Variants in EVI5 observed in about 807,000 individuals in gnomAD.
The protein encoded by EVI5 is ecotropic viral integration site 5.
In EVI5, 73 loss-of-function variants were observed where a neutral mutation model predicts 112.0. That is an observed-to-expected ratio of 0.65 (90% CI 0.54 to 0.79). The LOEUF is 0.79. Ranked by LOEUF, EVI5 falls within the 30% of genes least tolerant of loss-of-function variation. The probability of loss-of-function intolerance (pLI) is 0.00; values close to 1 mark genes in which losing one functional copy is unlikely to be tolerated. For synonymous variants in EVI5, 305 were observed against 319.9 expected (o/e 0.95, Z 0.50); for missense variants, 900 against 968.8 (o/e 0.93, Z 0.94).
chr1:92,536,313 T>C (rs1663885784), intron 19 of EVI5, among the ~76,000 whole-genome samples: 1 of 152,220 alleles, frequency 6.6e-6, no homozygotes, highest in African/African-American at 2.4e-5. Flanking sequence ...AGCGATAAGT[T>C]ATTATACAAT....
intron 13 of EVI5, among the ~76,000 whole-genome samples, chr1:92,638,384 T>C (rs1659302505): frequency 6.8e-6 from 1 of 148,010 alleles, no homozygotes; most frequent in African/African-American, 2.4e-5. Context: ...AAAATAACTC[T>C]AAACGTATTA....
At chr1:92,516,859 A>C (rs1459435917) in intron 19 of EVI5, among the ~76,000 whole-genome samples, 1 of 145,442 alleles carries the variant, frequency 6.9e-6, no homozygotes. Context: ...GCAGACAATC[A>C]ACCTTTCCAA....
At chr1:92,647,365 CTT>C (rs1302752230) in intron 13 of EVI5, 1 of 259,392 alleles carries the variant, frequency 3.9e-6, no homozygotes, top group East Asian at 8.2e-5. Flanking sequence ...AGACATGTCT[CTT>C]TTGGAGACAT....
chr1:92,519,201 T>C (rs956317509), intron 19 of EVI5, among the ~76,000 whole-genome samples: 2 of 152,150 alleles, frequency 1.3e-5, no homozygotes, highest in African/African-American at 4.8e-5. Flanking sequence ...CTTTTGTCTT[T>C]GATGGAAGAA....
intron 18 of EVI5, among the ~76,000 whole-genome samples, chr1:92,593,250 G>C (rs1674304371): frequency 6.6e-6 from 1 of 152,304 alleles, no homozygotes; most frequent in Middle Eastern, 3.4e-3. Flanking sequence ...TCCCTGGGAT[G>C]CAAGGCTGGT....
intron 10 of EVI5, among the ~76,000 whole-genome samples, chr1:92,674,171 G>C (rs1401020671): frequency 6.6e-6 from 1 of 152,080 alleles, no homozygotes; most frequent in Non-Finnish European, 1.5e-5. Context: ...TTTACAGCAA[G>C]GCTCAATTAA....
chr1:92,584,432 TAGA>T (rs912619906), intron 18 of EVI5, among the ~76,000 whole-genome samples: 1 of 152,170 alleles, frequency 6.6e-6, no homozygotes, highest in African/African-American at 2.4e-5. Flanking sequence ...ATTACTATAG[TAGA>T]AGAAAACCCA....
chr1:92,718,591 G>T (rs949457624), intron 2 of EVI5, among the ~76,000 whole-genome samples: 1 of 152,120 alleles, frequency 6.6e-6, no homozygotes, highest in African/African-American at 2.4e-5. Flanking sequence ...GACAAAGCAG[G>T]AAAGATCTAA....
upstream of EVI5, chr1:92,785,169 G>C (rs1685478559): frequency 1.1e-6 from 1 of 944,054 alleles, no homozygotes; most frequent in Non-Finnish European, 1.3e-6. Flanking sequence ...GAATGGGTTG[G>C]AGCAGGTTAG....
At chr1:92,533,265 T>C (rs1437321359) in intron 19 of EVI5, among the ~76,000 whole-genome samples, 1 of 152,090 alleles carries the variant, frequency 6.6e-6, no homozygotes, top group Non-Finnish European at 1.5e-5. Flanking sequence ...AATAGACCAG[T>C]AACAAGTTCT....
At chr1:92,767,662 A>G (rs139536462) in intron 1 of EVI5, among the ~76,000 whole-genome samples, 193 of 152,376 alleles carry the variant, frequency 1.3e-3, no homozygotes, top group African/African-American at 4.3e-3. Flanking sequence ...ACCATGTTCT[A>G]TTAACAAGAT....
intron 1 of EVI5, among the ~76,000 whole-genome samples, chr1:92,739,085 C>A (rs1677921679): frequency 6.6e-6 from 1 of 151,792 alleles, no homozygotes; most frequent in African/African-American, 2.4e-5. Context: ...CCAGCTTGGC[C>A]AACATGACAA....
At chr1:92,532,210 G>C (rs974511563) in intron 19 of EVI5, among the ~76,000 whole-genome samples, 4 of 152,150 alleles carry the variant, frequency 2.6e-5, no homozygotes, top group Admixed American at 6.6e-5. Context: ...AATGGTAAAG[G>C]GATCAATTCA....
intron 13 of EVI5, among the ~76,000 whole-genome samples, chr1:92,651,760 A>G (rs2102055370): frequency 7.2e-6 from 1 of 139,694 alleles, no homozygotes; most frequent in African/African-American, 2.7e-5. Flanking sequence ...CTGAGGCAGG[A>G]GAATGGCGTG....
intron 18 of EVI5, among the ~76,000 whole-genome samples, chr1:92,590,741 C>G (rs1673692673): frequency 6.6e-6 from 1 of 152,124 alleles, no homozygotes; most frequent in South Asian, 2.1e-4. Context: ...GGCCAACATT[C>G]AAATTCAGGA....
intron 1 of EVI5, among the ~76,000 whole-genome samples, chr1:92,791,807 A>C (rs552079200): frequency 6.6e-5 from 10 of 152,188 alleles, no homozygotes; most frequent in Non-Finnish European, 1.5e-4. Flanking sequence ...CTTTACAGAA[A>C]AATTTATGTA....
intron 2 of EVI5, among the ~76,000 whole-genome samples, chr1:92,735,968 T>C (rs957374405): frequency 1.5e-4 from 22 of 150,836 alleles, no homozygotes; most frequent in African/African-American, 5.3e-4. Context: ...AAAACTATTC[T>C]ATTTAATACC....
At chr1:92,601,134 T>A (rs1649089235) in intron 18 of EVI5, among the ~76,000 whole-genome samples, 1 of 152,208 alleles carries the variant, frequency 6.6e-6, no homozygotes, top group East Asian at 1.9e-4. Flanking sequence ...AGGATTCCAG[T>A]GACCACTTTA....
chr1:92,577,405 G>A (rs924175679), intron 18 of EVI5, among the ~76,000 whole-genome samples: 11 of 152,192 alleles, frequency 7.2e-5, no homozygotes, highest in African/African-American at 1.7e-4. Context: ...ACGGCTTGCC[G>A]GCAGGGCAGA....
Sources: gnomAD v4.1 joint callset for allele counts (sites outside exome capture counted in the v4.1 genomes callset) on GRCh38, gnomAD v4.1.1 for gene constraint, MANE v1.5 for transcripts, NCBI Gene and HGNC (gene_info 2026-07-23, HGNC 2026-07-21) for gene names.